UTP20: variants seen among roughly 807,000 people sequenced by gnomAD.
UTP20 encodes UTP20 small subunit processome component, also known as small subunit processome component 20 homolog.
UTP20 carries 164 observed loss-of-function variants against 329.5 expected under a neutral mutation model. The ratio of observed to expected loss-of-function variants is 0.50; its 90% CI spans 0.44 to 0.57. The LOEUF (loss-of-function observed/expected upper bound fraction) is 0.57. UTP20 is among the 20% of genes least tolerant of loss of function. The pLI, the probability that UTP20 is intolerant of heterozygous loss-of-function variation, is 0.00. For missense variants in UTP20, 3,055 were observed against 3,284.2 expected (o/e 0.93, Z 1.71); for synonymous variants, 1,151 against 1,159.3 (o/e 0.99, Z 0.14).
At chr12:101,334,559 G>T (rs1868873076) in intron 29 of UTP20, 55 bp downstream of exon 29, 1 of 1,456,552 alleles carries the variant, frequency 6.9e-7, no homozygotes. Flanking sequence ...GATGAATCTG[G>T]TTAAAGCAGT....
chr12:101,336,945 T>C (rs2137273372), intron 29 of UTP20, among the ~76,000 whole-genome samples: 1 of 152,214 alleles, frequency 6.6e-6, no homozygotes, highest in East Asian at 1.9e-4. Context: ...TGCTAGGACT[T>C]TACTCGCAGT....
intron 27 of UTP20, among the ~76,000 whole-genome samples, chr12:101,332,144 C>T (rs1259544172): frequency 6.6e-6 from 1 of 152,046 alleles, no homozygotes; most frequent in African/African-American, 2.4e-5. Flanking sequence ...TCGAGACCAG[C>T]CTGACCAACA....
At chr12:101,334,320 G>C in intron 28 of UTP20, 105 bp from the exon 29 acceptor site, 2 of 907,646 alleles carry the variant, frequency 2.2e-6, no homozygotes, top group Non-Finnish European at 3.3e-6. Context: ...TCTGTCCCTT[G>C]TCTTTTTCAT....
chr12:101,314,666 AAAAG>A (rs1872909870), intron 21 of UTP20, among the ~76,000 whole-genome samples: 1 of 151,674 alleles, frequency 6.6e-6, no homozygotes, highest in African/African-American at 2.4e-5. Flanking sequence ...TCAAAAAAAA[AAAAG>A]AAGCTCAAGA....
In UTP20 at chr12:101,327,266, T is replaced by A; in HGVS notation, c.3208+19T>A. ...AAGAATGGTAACTATCAGCTACCTC[T>A]CACTCTAATACCTGTTGTCTGCGGT... On this transcript the variant is annotated intron_variant, in intron 26 of 61. Transcript: ENST00000261637. 5 of 1,579,166 alleles carry A rather than the reference T, an allele frequency of 3.2e-6. No homozygotes were observed. Among genetic ancestry groups the A allele is most frequent in the East Asian group, 2.3e-5 (1 of 43,912 alleles).
chr12:101,285,515 T>G lies in UTP20; in HGVS notation c.127-55T>G. ...TTAATATATCATTATTCTATTTACC[T>G]TGATCATTGCTTTCTTAGAGTTATT... On this transcript the variant is annotated intron_variant, in intron 2 of 61. Coordinates refer to ENST00000261637, the MANE Select transcript of UTP20 (RefSeq NM_014503.3). 1.9e-6 allele frequency: 3 copies of G among 1,540,070 alleles called. No individual in the cohort carries two copies. In the South Asian group the frequency reaches 3.4e-5, roughly 17 times the overall value.
chr12:101,300,911 C>A (rs1180802407), intron 14 of UTP20, among the ~76,000 whole-genome samples: 5 of 152,078 alleles, frequency 3.3e-5, no homozygotes, highest in Admixed American at 3.3e-4. Flanking sequence ...GTAGAAAATT[C>A]TGTTATACAG....
intron 60 of UTP20, 63 bp downstream of exon 60, chr12:101,383,732 A>C: frequency 7.4e-7 from 1 of 1,355,382 alleles, no homozygotes; most frequent in South Asian, 2.2e-5. Context: ...TCTCTCCTGA[A>C]TGTTTCCTTC....
chr12:101,307,980 G>A (rs775025993), intron 17 of UTP20, among the ~76,000 whole-genome samples: 2 of 152,138 alleles, frequency 1.3e-5, no homozygotes, highest in African/African-American at 2.4e-5. Context: ...TGTCATTTAT[G>A]CACTAGACAC....
rs985992712 is a variant in UTP20 at position 101,381,307 on chromosome 12, A to C, written c.7656+96A>C. 9 of 1,044,970 alleles carry C rather than the reference A, an allele frequency of 8.6e-6. No individual in the cohort carries two copies. The African/African-American group carries it at 1.4e-4, about 17-fold the overall frequency. The allele number at this position is 1,044,970 out of a possible 1,614,324, so 64.7% of individuals were successfully genotyped here. On this transcript the variant is annotated intron_variant, in intron 58 of 61. Coordinates refer to ENST00000261637, the MANE Select transcript of UTP20 (RefSeq NM_014503.3). ...AGCACTTTGAGAGGCCGAGGCGGCC[A>C]GATCACCCCGAGGTCAGGAGTTCGA... is the stretch of plus-strand genomic sequence containing the variant.
At chr12:101,355,737 T>C (rs554201913) in intron 41 of UTP20, among the ~76,000 whole-genome samples, 1 of 152,336 alleles carries the variant, frequency 6.6e-6, no homozygotes, top group South Asian at 2.1e-4. Flanking sequence ...AAAATTTTGC[T>C]AACTCCTGGT....
chr12:101,362,390 C>T (rs981487897), intron 44 of UTP20, among the ~76,000 whole-genome samples: 6 of 152,108 alleles, frequency 3.9e-5, no homozygotes, highest in Non-Finnish European at 7.4e-5. Context: ...ATTTATAATA[C>T]AGTCGGAAAT....
rs756274964 is a variant in UTP20 at position 101,369,768 on chromosome 12, G to T, written c.6432G>T (p.Pro2144=). 1 of 1,607,142 alleles carries T rather than the reference G, an allele frequency of 6.2e-7. No individual in the cohort carries two copies. The highest frequency in any genetic ancestry group is 1.3e-5 in the African/African-American group (1 of 74,720). The part of the protein sequence containing the change: ...LQCLIWVLRF[P]LPSIETKAEQ... ...GCCTCATCTGGGTCTTGAGGTTCCC[G>T]CTACCTTCCATAGAAACAAAAGCAG... Residue 2144 remains proline (P), a synonymous_variant, in exon 49 of 62, where the codon CCG becomes CCT. Transcript: ENST00000261637.
intron 51 of UTP20, among the ~76,000 whole-genome samples, chr12:101,371,669 G>C (rs111395666): frequency 0.031 from 4,727 of 151,802 alleles, 123 homozygotes; most frequent in East Asian, 0.077. Context: ...GAGTAGCTGG[G>C]ACTACAGGCA....
At chr12:101,299,548 T>C in intron 12 of UTP20, 134 bp from the exon 13 acceptor site, 2 of 755,094 alleles carry the variant, frequency 2.6e-6, no homozygotes, top group South Asian at 3.2e-5. Flanking sequence ...CTCACATTTG[T>C]TTAGCTCAAC....
chr12:101,286,686 TCTC>T (rs1443989819), intron 5 of UTP20, among the ~76,000 whole-genome samples, 177 bp downstream of exon 5: 3 of 151,608 alleles, frequency 2.0e-5, no homozygotes, highest in African/African-American at 7.3e-5. Context: ...CATGACCATC[TCTC>T]CTCTCCAGCT....
At chr12:101,379,918 C>T (rs1870588230) in intron 57 of UTP20, among the ~76,000 whole-genome samples, 1 of 152,014 alleles carries the variant, frequency 6.6e-6, no homozygotes, top group Admixed American at 6.6e-5. Flanking sequence ...CTCCCGAATT[C>T]AAGGGATTCT....
intron 43 of UTP20, among the ~76,000 whole-genome samples, chr12:101,359,536 G>A (rs1226233816): frequency 6.6e-6 from 1 of 151,196 alleles, no homozygotes; most frequent in Non-Finnish European, 1.5e-5. Flanking sequence ...CTTCCACTCT[G>A]TTTAGGTTGG....
chr12:101,351,679 G>A (rs116803119), intron 38 of UTP20, among the ~76,000 whole-genome samples: 1,901 of 151,820 alleles, frequency 0.013, 46 homozygotes, highest in African/African-American at 0.044. Context: ...CTATTTTTCC[G>A]ATGATCTCCC....
Sources: allele counts gnomAD v4.1 joint callset (sites outside exome capture counted in the v4.1 genomes callset), GRCh38; gene constraint gnomAD v4.1.1; transcripts MANE v1.5; gene names NCBI Gene and HGNC (gene_info 2026-07-23, HGNC 2026-07-21).